Variants in SYBU observed in about 807,000 individuals in gnomAD.
SYBU encodes GOLSYN A protein.
In SYBU, 21 loss-of-function variants were observed where a neutral mutation model predicts 35.9. The observed-to-expected ratio is 0.58, with a 90% confidence interval of 0.41 to 0.84. The LOEUF (loss-of-function observed/expected upper bound fraction) is 0.84. SYBU is among the 40% of genes least tolerant of loss of function. The pLI, the probability that SYBU is intolerant of heterozygous loss-of-function variation, is 0.00. For missense variants in SYBU, 768 were observed against 848.2 expected, an observed-to-expected ratio of 0.91 and a Z score of 1.17; for synonymous variants, 319 against 324.3, an observed-to-expected ratio of 0.98 and a Z score of 0.18.
At chr8:109,664,342 T>G (rs1450735318) in intron 1 of SYBU, among the ~76,000 whole-genome samples, 2 of 151,824 alleles carry the variant, frequency 1.3e-5, no homozygotes, top group East Asian at 3.9e-4. Context: ...AGAATGAGAG[T>G]GTTTTTAAAT....
intron 1 of SYBU, among the ~76,000 whole-genome samples, chr8:109,665,255 T>G (rs3133954): frequency 6.6e-6 from 1 of 151,948 alleles, no homozygotes; most frequent in Non-Finnish European, 1.5e-5. Context: ...TGGCTTTTTT[T>G]GGCCAAGCCT....
intron 1 of SYBU, among the ~76,000 whole-genome samples, chr8:109,656,738 C>T (rs897651902): frequency 1.3e-5 from 2 of 152,118 alleles, no homozygotes; most frequent in Non-Finnish European, 2.9e-5. Flanking sequence ...TGTTGGGAGA[C>T]ATTTAAGTAC....
In SYBU at chr8:109,644,731, C is replaced by A; in HGVS notation, c.-72G>T. 1.4e-6 allele frequency: 2 copies of A among 1,396,436 alleles called. No homozygotes were observed. The highest frequency in any genetic ancestry group is 9.3e-7 in the Non-Finnish European group (1 of 1,076,066). The allele number at this position is 1,396,436 out of a possible 1,614,324, so 86.5% of individuals were successfully genotyped here. On this transcript the variant is annotated 5_prime_UTR_variant, in exon 1 of 7. Coordinates refer to ENST00000276646, the MANE Select transcript of SYBU (RefSeq NM_001099754.2). ...GGAGGAGGCACCTGCGAGCACGGAG[C>A]GAGGAGACTGCGCTGAGCCGGCGCG... is the stretch of plus-strand genomic sequence containing the variant.
intron 1 of SYBU, among the ~76,000 whole-genome samples, chr8:109,673,572 T>C (rs11993537): frequency 2.8e-4 from 42 of 152,256 alleles, no homozygotes; most frequent in Middle Eastern, 3.4e-3. Context: ...TCTACCAAGA[T>C]GAGGAAAAAG....
At chr8:109,644,341 TCA>T in intron 1 of SYBU, 1 of 598,084 alleles carries the variant, frequency 1.7e-6, no homozygotes, top group Non-Finnish European at 3.1e-6. Context: ...TTCATTCACA[TCA>T]CACACACAGG....
intron 1 of SYBU, among the ~76,000 whole-genome samples, chr8:109,687,415 C>G (rs1385262704): frequency 6.6e-6 from 1 of 152,102 alleles, no homozygotes; most frequent in African/African-American, 2.4e-5. Context: ...TCATCTCATA[C>G]AAATAGAATT....
chr8:109,603,361 G>T, intron 3 of SYBU: 1 of 977,904 alleles, frequency 1.0e-6, no homozygotes, highest in Non-Finnish European at 1.2e-6. Flanking sequence ...ACTCACAATT[G>T]GATTTTGCTC....
rs570702830 is a variant in SYBU, at chr8:109,618,861, C to G, written c.408G>C (p.Lys136Asn). ...IQSSRYKKES[K>N]SGLVKPGSEA... is the part of the protein sequence containing the mutation. ...ACTGACCTGGTTTCACAAGGCCTGA[C>G]TTTGATTCCTTCTTATATCGAGAGG... Residue 136 changes from lysine to asparagine, a missense_variant, in exon 3 of 7, where the codon AAG becomes AAC. Lys to Asn is a moderately conservative substitution (Grantham distance 94). Coordinates refer to ENST00000276646, the MANE Select transcript of SYBU (RefSeq NM_001099754.2). The G allele has an allele frequency of 1.9e-6, 3 of 1,614,162 alleles. No individual in the cohort carries two copies. In the East Asian group the frequency reaches 6.7e-5, roughly 36 times the overall value.
At chr8:109,617,053 T>G (rs780561277) in intron 3 of SYBU, among the ~76,000 whole-genome samples, 1 of 152,076 alleles carries the variant, frequency 6.6e-6, no homozygotes, top group Non-Finnish European at 1.5e-5. Context: ...GGAGAATCCA[T>G]TGAACCTTGG....
chr8:109,675,871 A>C (rs1817170426), intron 1 of SYBU, among the ~76,000 whole-genome samples: 1 of 152,220 alleles, frequency 6.6e-6, no homozygotes. Flanking sequence ...CCTGATGAAC[A>C]CTGATGCAAA....
chr8:109,642,541 A>G (rs1428926040), intron 2 of SYBU, among the ~76,000 whole-genome samples, 187 bp downstream of exon 2: 1 of 152,264 alleles, frequency 6.6e-6, no homozygotes, highest in East Asian at 1.9e-4. Context: ...TGAGATTCCA[A>G]TAAACTGAAC....
chr8:109,630,854 T>C (rs563162888), intron 2 of SYBU, among the ~76,000 whole-genome samples: 2 of 152,120 alleles, frequency 1.3e-5, no homozygotes, highest in South Asian at 2.1e-4. Flanking sequence ...AGGTGAGACA[T>C]TGAAAGACAC....
At chr8:109,669,406 G>A (rs1816893815) in intron 1 of SYBU, among the ~76,000 whole-genome samples, 1 of 144,488 alleles carries the variant, frequency 6.9e-6, no homozygotes. Flanking sequence ...TGTTGTCTCT[G>A]TCACAAATAC....
chr8:109,626,756 A>C (rs986211351), intron 2 of SYBU, among the ~76,000 whole-genome samples: 2 of 152,140 alleles, frequency 1.3e-5, no homozygotes, highest in African/African-American at 4.8e-5. Context: ...CAAAAACTAC[A>C]AAAATTAGCT....
At chr8:109,594,171 G>C (rs953571883) in intron 3 of SYBU, among the ~76,000 whole-genome samples, 1 of 152,158 alleles carries the variant, frequency 6.6e-6, no homozygotes, top group African/African-American at 2.4e-5. Flanking sequence ...TGCTGGGTGC[G>C]GAGCAGGGGT....
At chr8:109,607,910 C>T in intron 3 of SYBU, 1 of 1,500,502 alleles carries the variant, frequency 6.7e-7, no homozygotes, top group East Asian at 2.5e-5. Context: ...ATACTACTTA[C>T]TTAGAAGGTA....
intron 2 of SYBU, among the ~76,000 whole-genome samples, chr8:109,622,573 A>T (rs1357129550): frequency 1.3e-5 from 2 of 152,118 alleles, no homozygotes; most frequent in South Asian, 2.1e-4. Flanking sequence ...AGCCAAGCTG[A>T]TGTTCTTTGG....
At chr8:109,681,798 T>G (rs1817402353), upstream of SYBU, among the ~76,000 whole-genome samples, 1 of 152,160 alleles carries the variant, frequency 6.6e-6, no homozygotes, top group Non-Finnish European at 1.5e-5. Context: ...CATCTTGAAT[T>G]GTAGTTCCCA....
At chr8:109,614,943 T>C (rs562847442) in intron 3 of SYBU, among the ~76,000 whole-genome samples, 8 of 152,250 alleles carry the variant, frequency 5.3e-5, no homozygotes, top group Non-Finnish European at 8.8e-5. Context: ...CCGGGCCCTG[T>C]TGGCAAGGTA....
Sources: gnomAD v4.1 joint callset for allele counts (sites outside exome capture counted in the v4.1 genomes callset) on GRCh38, gnomAD v4.1.1 for gene constraint, MANE v1.5 for transcripts, NCBI Gene and HGNC (gene_info 2026-07-23, HGNC 2026-07-21) for gene names.